The following USP10 variants were observed in gnomAD, a reference collection of about 807,000 sequenced individuals.
USP10 encodes the protein ubiquitin specific peptidase 10.
Under a neutral mutation model 84.5 loss-of-function variants are expected in USP10, and 22 were observed. That is an observed-to-expected ratio of 0.26 (90% confidence interval 0.19 to 0.37). USP10 has a LOEUF of 0.37. USP10 is among the 10% of genes least tolerant of loss of function. The pLI is 1.00. For synonymous variants in USP10, 454 were observed against 387.6 expected, an observed-to-expected ratio of 1.17 and a Z score of -2.01; for missense variants, 1,019 against 998.9, an observed-to-expected ratio of 1.02 and a Z score of -0.27.
At chr16:84,704,988 C>A (rs937264199) in intron 1 of USP10, 1 of 1,342,932 alleles carries the variant, frequency 7.4e-7, no homozygotes, top group South Asian at 1.3e-5. Context: ...CACCTGCTAC[C>A]GTCTGCGCTG....
At chr16:84,756,549 C>T (rs972624846) in intron 4 of USP10, among the ~76,000 whole-genome samples, 3 of 152,108 alleles carry the variant, frequency 2.0e-5, no homozygotes, top group Non-Finnish European at 4.4e-5. Context: ...GCCAAGATTG[C>T]ACCACTGCAC....
At chr16:84,734,852 C>T (rs1355802342) in intron 2 of USP10, among the ~76,000 whole-genome samples, 1 of 152,096 alleles carries the variant, frequency 6.6e-6, no homozygotes, top group African/African-American at 2.4e-5. Context: ...AACTCCCTGC[C>T]CCTGTGGCCC....
chr16:84,740,931 G>C (rs921425408), intron 3 of USP10, among the ~76,000 whole-genome samples: 2 of 152,222 alleles, frequency 1.3e-5, no homozygotes, highest in Non-Finnish European at 2.9e-5. Context: ...CAATGATTTT[G>C]TATTGCTTAA....
chr16:84,735,464 C>A (rs1305184575), intron 2 of USP10, among the ~76,000 whole-genome samples: 1 of 152,100 alleles, frequency 6.6e-6, no homozygotes, highest in African/African-American at 2.4e-5. Context: ...TCTGCCACTT[C>A]CACAGGCTCG....
rs1915313141 is a variant in USP10, at chr16:84,779,070, G to T, written c.2385G>T (p.Val795=). 1 of 1,613,616 alleles carries T rather than the reference G, an allele frequency of 6.2e-7. No homozygotes were observed. Residue 795 remains valine, a synonymous_variant, in exon 14 of 14, where the codon GTG becomes GTT. Transcript: ENST00000219473. ...RTAYLLYYRR[V]DLL is the part of the protein sequence containing the mutation. Reference sequence around the variant, plus strand: ...CCTACCTCCTGTATTACCGCCGAGTGGACCTGCTGTAAACCCTGTGTGCGC... The same window carrying T: ...CCTACCTCCTGTATTACCGCCGAGTTGACCTGCTGTAAACCCTGTGTGCGC...
intron 13 of USP10, among the ~76,000 whole-genome samples, chr16:84,775,627 C>A (rs191754741): frequency 9.9e-5 from 15 of 152,172 alleles, no homozygotes; most frequent in African/African-American, 3.6e-4. Flanking sequence ...CCGGTGATCC[C>A]TGCGTCCTCC....
Position 84,706,128 on chromosome 16 carries a change from C to T in USP10, c.21+6017C>T, listed in dbSNP as rs114523718. Among the ~76,000 whole-genome samples, 1,135 of 152,294 alleles carry T rather than the reference C, an allele frequency of 7.5e-3. 10 individuals carry two copies. The highest frequency in any genetic ancestry group is 0.026 in the African/African-American group (1,077 of 41,562). ...AACTCCTGGCCTCAAGGGATCCCTTCTGCTTCAGCTTCCTAAAGTACTGGG... is the reference window on the plus strand; with the variant it reads ...AACTCCTGGCCTCAAGGGATCCCTTTTGCTTCAGCTTCCTAAAGTACTGGG... On this transcript the variant is annotated intron_variant, in intron 1 of 13. Coordinates refer to ENST00000219473, the MANE Select transcript of USP10 (RefSeq NM_005153.3).
At chr16:84,700,445 C>G (rs1904702362) in intron 1 of USP10, among the ~76,000 whole-genome samples, 1 of 151,934 alleles carries the variant, frequency 6.6e-6, no homozygotes, top group Admixed American at 6.5e-5. Context: ...GGGCCCTCCC[C>G]GCCGCGCCGG....
At chr16:84,703,166 T>C (rs1295209888) in intron 1 of USP10, among the ~76,000 whole-genome samples, 1 of 152,170 alleles carries the variant, frequency 6.6e-6, no homozygotes, top group Non-Finnish European at 1.5e-5. Flanking sequence ...CTCAGCATTT[T>C]AGCAAAGACA....
intron 11 of USP10, among the ~76,000 whole-genome samples, chr16:84,768,785 A>C (rs1008458443): frequency 2.0e-5 from 3 of 152,134 alleles, no homozygotes; most frequent in Admixed American, 6.5e-5. Context: ...CTTCCAGGTC[A>C]TTGTAAATAT....
In USP10 at chr16:84,775,997, C is replaced by T. The variant is rs540014217; in HGVS notation, c.2209+772C>T. ...TGTTTCTAGCTTCTGTGTCTTCCCT[C>T]CTCTGGTGTGGCCTTTGGTGAACCT... is the stretch of plus-strand genomic sequence containing the variant. On this transcript the variant is annotated intron_variant, in intron 13 of 13. Transcript: ENST00000219473. 1.3e-5 allele frequency among the ~76,000 whole-genome samples: 2 copies of T among 152,208 alleles called. 1 individual carries two copies. Among genetic ancestry groups the T allele is most frequent in the South Asian group, 4.1e-4 (2 of 4,834 alleles).
intron 1 of USP10, among the ~76,000 whole-genome samples, chr16:84,719,593 G>A (rs1279206878): frequency 6.6e-6 from 1 of 152,186 alleles, no homozygotes; most frequent in African/African-American, 2.4e-5. Flanking sequence ...TGCTAGGTGA[G>A]TACCACCGCG....
Position 84,777,331 on chromosome 16 carries a change from C to T in USP10, c.2210-1564C>T, listed in dbSNP as rs137948872. 3.2e-4 allele frequency among the ~76,000 whole-genome samples: 48 copies of T among 152,320 alleles called. 1 individual carries two copies. The East Asian group carries it at 6.0e-3, about 19-fold the overall frequency. On this transcript the variant is annotated intron_variant, in intron 13 of 13. Coordinates refer to ENST00000219473, the MANE Select transcript of USP10 (RefSeq NM_005153.3). ...TGGGAAAGACAAGTTAGTAAAACCC[C>T]CAGGCCCTGCAGATTCTACTGATGG...
chr16:84,772,887 TAACTA>T (rs750592636), intron 12 of USP10, among the ~76,000 whole-genome samples: 3 of 152,082 alleles, frequency 2.0e-5, no homozygotes, highest in Non-Finnish European at 4.4e-5. Flanking sequence ...GAGGCAAAAA[TAACTA>T]AACTCTATAA....
At chr16:84,721,377 A>G (rs1412273413) in intron 1 of USP10, among the ~76,000 whole-genome samples, 1 of 152,254 alleles carries the variant, frequency 6.6e-6, no homozygotes, top group Non-Finnish European at 1.5e-5. Context: ...ATGAAAGATT[A>G]CAACTGTGGC....
At chr16:84,755,514 C>T (rs1160734272) in intron 4 of USP10, among the ~76,000 whole-genome samples, 1 of 152,082 alleles carries the variant, frequency 6.6e-6, no homozygotes, top group African/African-American at 2.4e-5. Flanking sequence ...GCCCTGCACT[C>T]TGGGGACCTG....
intron 1 of USP10, chr16:84,704,971 G>C: frequency 1.4e-6 from 2 of 1,458,130 alleles, no homozygotes; most frequent in Non-Finnish European, 1.9e-6. Flanking sequence ...GTGGAGTGCG[G>C]GCCCAGCACC....
intron 1 of USP10, among the ~76,000 whole-genome samples, chr16:84,730,880 C>G (rs1256240605): frequency 2.0e-5 from 3 of 151,254 alleles, no homozygotes; most frequent in Non-Finnish European, 4.4e-5. Context: ...ATTCTGATTT[C>G]TTATCCTTAG....
intron 1 of USP10, among the ~76,000 whole-genome samples, chr16:84,718,301 T>G (rs1410846234): frequency 6.6e-6 from 1 of 152,190 alleles, no homozygotes; most frequent in Admixed American, 6.5e-5. Flanking sequence ...TGACCCAAGA[T>G]AGAGTGCAGT....
Sources: gnomAD v4.1 joint callset for allele counts (sites outside exome capture counted in the v4.1 genomes callset) on GRCh38, gnomAD v4.1.1 for gene constraint, MANE v1.5 for transcripts, NCBI Gene and HGNC (gene_info 2026-07-23, HGNC 2026-07-21) for gene names.